MEI1: variants seen among roughly 807,000 people sequenced by gnomAD.
MEI1 encodes the protein meiotic double-stranded break formation protein 1.
Under a neutral mutation model 146.2 loss-of-function variants are expected in MEI1, and 103 were observed. The observed-to-expected ratio is 0.70, with a 90% CI of 0.60 to 0.83. The LOEUF is 0.83. Ranked by LOEUF, MEI1 falls within the 40% of genes least tolerant of loss-of-function variation. MEI1 has a pLI of 0.00. For missense variants in MEI1, 1,529 were observed against 1,533.0 expected (o/e 1.00, Z 0.04); for synonymous variants, 652 against 628.2 (o/e 1.04, Z -0.57).
At chr22:41,756,110 A>G (rs1052010588) in intron 17 of MEI1, among the ~76,000 whole-genome samples, 21 of 152,264 alleles carry the variant, frequency 1.4e-4, no homozygotes, top group African/African-American at 4.3e-4. Flanking sequence ...TGTGGAACAT[A>G]AGGATAAAGT....
chr22:41,703,232 C>G, intron 1 of MEI1, 99 bp from the exon 2 acceptor site: 1 of 1,318,992 alleles, frequency 7.6e-7, no homozygotes, highest in Non-Finnish European at 1.1e-6. Context: ...TAAATGATCC[C>G]TTGTATCATC....
In MEI1 at chr22:41,732,271, C is replaced by T. The variant is rs2071931297; in HGVS notation, c.1123C>T (p.Gln375Ter). The T allele has an allele frequency of 2.5e-6, 4 of 1,611,338 alleles. No individual in the cohort carries two copies. The East Asian group carries it at 6.7e-5, about 27-fold the overall frequency. The stretch of plus-strand genomic sequence containing the variant: ...GATCGAGGCAGTGGTGAGGAGCCTG[C>T]AGGGAAGCCTGAAGATGAACAACAT... ...YGIEAVVRSL[Q>*]GSLKMNNIEL... The change falls in exon 10 of 31, where the codon CAG becomes TAG. Residue 375 changes from glutamine to a stop codon, truncating the protein, a stop_gained. Coordinates refer to ENST00000401548, the MANE Select transcript of MEI1 (RefSeq NM_152513.4). LOFTEE classifies it high-confidence loss of function.
intron 12 of MEI1, among the ~76,000 whole-genome samples, chr22:41,743,761 G>A (rs192352389): frequency 5.6e-4 from 86 of 152,248 alleles, no homozygotes; most frequent in Non-Finnish European, 1.0e-3. Flanking sequence ...AACTAATAGG[G>A]CCATTATAGT....
chr22:41,739,984 G>C (rs564109341), intron 11 of MEI1, among the ~76,000 whole-genome samples: 1 of 151,926 alleles, frequency 6.6e-6, no homozygotes, highest in South Asian at 2.1e-4. Flanking sequence ...GGAGAGAGAT[G>C]GATAGGGGGC....
intron 26 of MEI1, among the ~76,000 whole-genome samples, chr22:41,793,212 A>G (rs1157177084): frequency 2.0e-5 from 3 of 150,936 alleles, no homozygotes; most frequent in Non-Finnish European, 4.4e-5. Context: ...AATTTTTTGT[A>G]TTTTTAGTAG....
chr22:41,758,247 A>G (rs1368786088), intron 17 of MEI1, 118 bp from the exon 18 acceptor site: 5 of 911,952 alleles, frequency 5.5e-6, no homozygotes, highest in Admixed American at 2.8e-5. Context: ...ATTTCCCACT[A>G]TACTGCATTT....
At chr22:41,709,091 CAG>C (rs2069330101) in intron 3 of MEI1, 2 of 575,020 alleles carry the variant, frequency 3.5e-6, no homozygotes, top group Non-Finnish European at 3.2e-6. Context: ...CAAAATATAA[CAG>C]TGAAGTGTTC....
chr22:41,763,386 G>C (rs1295884985), intron 19 of MEI1, 65 bp downstream of exon 19: 31 of 1,557,908 alleles, frequency 2.0e-5, no homozygotes, highest in Non-Finnish European at 2.7e-5. Flanking sequence ...TTCCCTGGGA[G>C]ACCATGATGA....
chr22:41,784,997 C>T (rs1351646857), intron 26 of MEI1, among the ~76,000 whole-genome samples: 1 of 151,174 alleles, frequency 6.6e-6, no homozygotes, highest in Non-Finnish European at 1.5e-5. Context: ...AGTGCAGTGG[C>T]GCAATCTTGG....
At chr22:41,749,029 C>G (rs1208053115) in intron 15 of MEI1, among the ~76,000 whole-genome samples, 2 of 152,096 alleles carry the variant, frequency 1.3e-5, no homozygotes, top group Non-Finnish European at 2.9e-5. Flanking sequence ...TGGTCTCGAT[C>G]TCCTGACCTC....
chr22:41,701,128 G>A (rs1252357147), intron 1 of MEI1, among the ~76,000 whole-genome samples: 1 of 151,694 alleles, frequency 6.6e-6, no homozygotes, highest in Non-Finnish European at 1.5e-5. Flanking sequence ...TAGTATAGAC[G>A]GGGTTTCTCC....
chr22:41,700,757 T>A (rs2068647865), intron 1 of MEI1, among the ~76,000 whole-genome samples: 1 of 19,414 alleles, frequency 5.2e-5, no homozygotes, highest in African/African-American at 6.8e-5. Flanking sequence ...CAATTTTTTT[T>A]TTTTTTTTTT....
At chr22:41,758,327 T>C in intron 17 of MEI1, 38 bp from the exon 18 acceptor site, 1 of 1,591,524 alleles carries the variant, frequency 6.3e-7, no homozygotes, top group Non-Finnish European at 8.6e-7. Flanking sequence ...TTCTTCTATG[T>C]TCTCTGTGTG....
chr22:41,786,176 C>T (rs1453399081), intron 26 of MEI1, among the ~76,000 whole-genome samples: 2 of 152,024 alleles, frequency 1.3e-5, no homozygotes, highest in Admixed American at 6.6e-5. Context: ...TCCCAAAGTG[C>T]TGGGATTACA....
chr22:41,704,839 C>G (rs760939451), intron 2 of MEI1, among the ~76,000 whole-genome samples: 1 of 152,080 alleles, frequency 6.6e-6, no homozygotes, highest in Non-Finnish European at 1.5e-5. Context: ...CTCAGCTTCC[C>G]GAGTAGCTGG....
intron 21 of MEI1, among the ~76,000 whole-genome samples, chr22:41,778,323 T>C (rs182591253): frequency 3.0e-4 from 46 of 152,336 alleles, no homozygotes; most frequent in Non-Finnish European, 6.0e-4. Flanking sequence ...GATTTCAACA[T>C]GAATTTTGGA....
intron 15 of MEI1, 135 bp downstream of exon 15, chr22:41,748,353 A>G: frequency 1.5e-6 from 1 of 670,920 alleles, no homozygotes; most frequent in Non-Finnish European, 2.7e-6. Context: ...TTCTTTGTCC[A>G]GTGATGAGTG....
Position 41,786,189 on chromosome 22 carries a change from C to T in MEI1, c.3345+1406C>T, listed in dbSNP as rs900896688. Among the ~76,000 whole-genome samples, 25 of 152,014 alleles carry T rather than the reference C, an allele frequency of 1.6e-4. No individual in the cohort carries two copies. In the South Asian group the frequency reaches 2.3e-3, roughly 14 times the overall value. On this transcript the variant is annotated intron_variant, in intron 26 of 30. Coordinates refer to ENST00000401548, the MANE Select transcript of MEI1 (RefSeq NM_152513.4). ...CCTCCCAAAGTGCTGGGATTACAGG[C>T]GTGAGCCACCGCGCCCGGCCCCTAT...
intron 26 of MEI1, among the ~76,000 whole-genome samples, chr22:41,786,915 A>G (rs1050253125): frequency 4.6e-5 from 7 of 152,364 alleles, no homozygotes; most frequent in African/African-American, 1.7e-4. Flanking sequence ...ACCCAATGTC[A>G]TGGCCTATGA....
Sources: allele counts gnomAD v4.1 joint callset (sites outside exome capture counted in the v4.1 genomes callset), GRCh38; gene constraint gnomAD v4.1.1; transcripts MANE v1.5; gene names NCBI Gene and HGNC (gene_info 2026-07-23, HGNC 2026-07-21).